The following ANO4 variants were observed in gnomAD, a reference collection of about 807,000 sequenced individuals.
The protein encoded by ANO4 is anoctamin-4.
A neutral mutation model predicts 141.9 loss-of-function variants in ANO4; 69 were observed. The ratio of observed to expected loss-of-function variants is 0.49; its 90% CI spans 0.40 to 0.59. The LOEUF is 0.59. Among genes scored for constraint, ANO4 ranks in the 20% least tolerant of loss-of-function variants. The probability of loss-of-function intolerance (pLI) is 0.00; values close to 1 mark genes in which losing one functional copy is unlikely to be tolerated. For synonymous variants in ANO4, 350 were observed against 394.3 expected (o/e 0.89, Z 1.33); for missense variants, 894 against 1,162.2 (o/e 0.77, Z 3.36).
intron 8 of ANO4, among the ~76,000 whole-genome samples, chr12:101,010,952 TGGA>T (rs2046060630): frequency 6.6e-6 from 1 of 152,224 alleles, no homozygotes; most frequent in African/African-American, 2.4e-5. Context: ...TGCTTTCACC[TGGA>T]GTCAACATGT....
chr12:100,787,809 C>T (rs181263535), intron 3 of ANO4, among the ~76,000 whole-genome samples: 18 of 152,080 alleles, frequency 1.2e-4, no homozygotes, highest in Admixed American at 1.1e-3. Context: ...CTTTGGGCCA[C>T]AGAGTAGATA....
intron 1 of ANO4, among the ~76,000 whole-genome samples, chr12:100,848,920 C>T (rs1034944742): frequency 1.3e-5 from 2 of 152,102 alleles, no homozygotes; most frequent in African/African-American, 4.8e-5. Context: ...TTGTCCTGCA[C>T]ATAGTGGGAA....
At chr12:101,090,227 G>A (rs1010750458) in intron 17 of ANO4, among the ~76,000 whole-genome samples, 8 of 152,080 alleles carry the variant, frequency 5.3e-5, no homozygotes, top group South Asian at 2.1e-4. Context: ...ATACCATTTG[G>A]CCCAGCCATC....
chr12:100,885,132 A>G (rs2039767037), intron 1 of ANO4, among the ~76,000 whole-genome samples: 1 of 152,174 alleles, frequency 6.6e-6, no homozygotes, highest in African/African-American at 2.4e-5. Context: ...ATGTGATTAG[A>G]TTGCCCCCCT....
At chr12:101,115,997 G>A (rs1308637860) in intron 24 of ANO4, among the ~76,000 whole-genome samples, 4 of 152,276 alleles carry the variant, frequency 2.6e-5, no homozygotes, top group African/African-American at 7.2e-5. Flanking sequence ...TAGTACAAGC[G>A]ATCTGGTAAT....
chr12:100,929,326 A>G (rs1452315725), intron 3 of ANO4, among the ~76,000 whole-genome samples: 1 of 151,998 alleles, frequency 6.6e-6, no homozygotes, highest in Admixed American at 6.6e-5. Flanking sequence ...CATTAGTTCA[A>G]TTGTTTTTAG....
chr12:100,762,313 C>T (rs911229609), intron 3 of ANO4, among the ~76,000 whole-genome samples: 1 of 152,154 alleles, frequency 6.6e-6, no homozygotes, highest in Non-Finnish European at 1.5e-5. Flanking sequence ...GAATGTGGCC[C>T]GAATTGGATA....
chr12:100,768,230 T>C (rs1302417445), intron 3 of ANO4, among the ~76,000 whole-genome samples: 1 of 152,212 alleles, frequency 6.6e-6, no homozygotes, highest in Non-Finnish European at 1.5e-5. Flanking sequence ...CGTAGCCAAG[T>C]TGGGTGCCCA....
intron 2 of ANO4, among the ~76,000 whole-genome samples, chr12:100,902,178 C>CT: frequency 6.6e-6 from 1 of 152,192 alleles, no homozygotes; most frequent in East Asian, 1.9e-4. Flanking sequence ...ATAATTTGCT[C>CT]TAAGATTGGT....
At chr12:100,884,053 CAT>C (rs962816761) in intron 1 of ANO4, among the ~76,000 whole-genome samples, 3 of 152,110 alleles carry the variant, frequency 2.0e-5, no homozygotes, top group Non-Finnish European at 2.9e-5. Flanking sequence ...ACATAAATAA[CAT>C]ATATGGGTTC....
chr12:100,835,855 T>TGGAAG (rs1742182352), intron 1 of ANO4, among the ~76,000 whole-genome samples: 1 of 152,128 alleles, frequency 6.6e-6, no homozygotes, highest in Non-Finnish European at 1.5e-5. Context: ...TGATGACTTC[T>TGGAAG]TGAATTGTGA....
rs530350943 is a variant in ANO4 at position 100,968,095 on chromosome 12, TAATA to T, written c.457-3201_457-3198del. 8.2e-4 allele frequency among the ~76,000 whole-genome samples: 125 copies of T among 152,102 alleles called. 1 individual carries two copies. The highest frequency in any genetic ancestry group is 4.6e-3 in the South Asian group (22 of 4,822). On this transcript the variant is annotated intron_variant, in intron 5 of 27. Coordinates refer to ENST00000392977, the MANE Select transcript of ANO4 (RefSeq NM_001286615.2). ...TTTGACAATTGCAAAACATGAAAAA[TAATA>T]AATAAATAATATTGTTATTATTTAA...
rs546780960 is a variant in ANO4, at chr12:101,099,617, A to G, written c.2046A>G (p.Gln682=). 6 of 1,605,022 alleles carry G rather than the reference A, an allele frequency of 3.7e-6. No homozygotes were observed. Among genetic ancestry groups the G allele is most frequent in the Non-Finnish European group, 5.1e-6 (6 of 1,177,830 alleles). The change falls in exon 22 of 28, where the codon CAA becomes CAG. Residue 682 remains glutamine (Q), a synonymous_variant. Coordinates refer to ENST00000392977, the MANE Select transcript of ANO4 (RefSeq NM_001286615.2). ...QNWWTRRKVR[Q]EHGPERKISF... Reference sequence around the variant, plus strand: ...GGTGGACTAGAAGAAAAGTACGACAAGAACATGGACCTGAAAGGAAAATAA... The same window carrying G: ...GGTGGACTAGAAGAAAAGTACGACAGGAACATGGACCTGAAAGGAAAATAA...
At chr12:100,904,453 G>C (rs2040744360) in intron 2 of ANO4, among the ~76,000 whole-genome samples, 2 of 152,102 alleles carry the variant, frequency 1.3e-5, no homozygotes, top group Admixed American at 6.6e-5. Context: ...TGGTGATCAG[G>C]GTAGGCTGAG....
chr12:100,906,976 C>T (rs910573066), intron 2 of ANO4, among the ~76,000 whole-genome samples: 5 of 152,070 alleles, frequency 3.3e-5, no homozygotes, highest in Non-Finnish European at 7.4e-5. Flanking sequence ...AAGAGATTGA[C>T]GACATTCAGA....
chr12:101,055,949 C>A (rs2048099053), intron 14 of ANO4, among the ~76,000 whole-genome samples: 1 of 151,984 alleles, frequency 6.6e-6, no homozygotes, highest in African/African-American at 2.4e-5. Context: ...TTTCTTGGTA[C>A]ATTTTGGTTG....
chr12:100,890,555 G>A (rs1012968443), intron 1 of ANO4, among the ~76,000 whole-genome samples: 8 of 152,290 alleles, frequency 5.3e-5, no homozygotes, highest in East Asian at 1.9e-4. Flanking sequence ...ATCTGATTGC[G>A]AATGGTGAGA....
At position 101,127,076 on chromosome 12, in the gene ANO4, TAGGTGAGAGG is replaced by T; in HGVS notation, c.*4+3_*4+12del. On this transcript the variant is annotated splice_donor_5th_base_variant and intron_variant, in intron 27 of 27. Transcript: ENST00000392977. ...ACCACAACGAGTGGCCGTGACCATG[TAGGTGAGAGG>T]TGTGCTCAGCGTCTGAGGCCATTCC... 1 of 1,610,848 alleles carries T rather than the reference TAGGTGAGAGG, an allele frequency of 6.2e-7. No homozygotes were observed.
At chr12:100,991,743 TC>T (rs1239546899) in intron 8 of ANO4, among the ~76,000 whole-genome samples, 27 of 152,276 alleles carry the variant, frequency 1.8e-4, no homozygotes, top group African/African-American at 6.5e-4. Context: ...TATGCCTTTC[TC>T]ACTCATTTTT....
Sources: gnomAD v4.1 joint callset for allele counts (sites outside exome capture counted in the v4.1 genomes callset) on GRCh38, gnomAD v4.1.1 for gene constraint, MANE v1.5 for transcripts, NCBI Gene and HGNC (gene_info 2026-07-23, HGNC 2026-07-21) for gene names.